The following RASSF8 variants were observed in gnomAD, a reference collection of about 807,000 sequenced individuals.
RASSF8 encodes the protein ras association domain-containing protein 8.
In RASSF8, 22 loss-of-function variants were observed where a neutral mutation model predicts 48.5. The ratio of observed to expected loss-of-function variants is 0.45; its 90% CI spans 0.32 to 0.65. The LOEUF (loss-of-function observed/expected upper bound fraction) is 0.65, where lower values mean the gene tolerates loss of function less well. Ranked by LOEUF, RASSF8 falls within the 30% of genes least tolerant of loss-of-function variation. The pLI is 0.03. For synonymous variants in RASSF8, 127 were observed against 171.5 expected, an observed-to-expected ratio of 0.74 and a Z score of 2.03; for missense variants, 418 against 489.2, an observed-to-expected ratio of 0.85 and a Z score of 1.37.
At chr12:25,980,990 T>C (rs1451465141) in intron 1 of RASSF8, among the ~76,000 whole-genome samples, 1 of 152,162 alleles carries the variant, frequency 6.6e-6, no homozygotes, top group Non-Finnish European at 1.5e-5. Flanking sequence ...TGGGTACTTT[T>C]TATGGGCAGT....
Position 26,064,660 on chromosome 12 carries a change from C to T in RASSF8, c.266C>T (p.Thr89Ile). 2 of 1,614,158 alleles carry T rather than the reference C, an allele frequency of 1.2e-6. No homozygotes were observed. The highest frequency in any genetic ancestry group is 1.3e-5 in the African/African-American group (1 of 75,050). The change falls in exon 4 of 6, where the codon ACT (threonine) becomes ATT (isoleucine). Residue 89 changes from threonine (T) to isoleucine (I), a missense_variant. Transcript: ENST00000689635. ...RTGPSLSERP[T>I]SDSVARIPER... ...GGGCCGTCTCTCAGTGAGCGACCCACTTCAGACAGTGTGGCTCGAATTCCT... is the reference window on the plus strand; with the variant it reads ...GGGCCGTCTCTCAGTGAGCGACCCATTTCAGACAGTGTGGCTCGAATTCCT...
intron 2 of RASSF8, among the ~76,000 whole-genome samples, chr12:26,042,312 ATTTTGTTTTG>A (rs1462776985): frequency 6.6e-6 from 1 of 151,994 alleles, no homozygotes; most frequent in Admixed American, 6.6e-5. Flanking sequence ...GTTTTGTTTT[ATTTTGTTTTG>A]TTTTGTTTTT....
chr12:26,078,621 T>A (rs1027803519), intron 5 of RASSF8, among the ~76,000 whole-genome samples: 3 of 152,244 alleles, frequency 2.0e-5, no homozygotes, highest in African/African-American at 7.2e-5. Flanking sequence ...AAAATCTGAA[T>A]TGAATTACCC....
chr12:26,020,192 G>A (rs758566878), intron 2 of RASSF8: 1 of 152,126 alleles, frequency 6.6e-6, no homozygotes, highest in Non-Finnish European at 1.5e-5. Flanking sequence ...AACTGTGGAG[G>A]CATAGATTAG....
rs536943691 is a variant in RASSF8, at chr12:26,064,441, A to G, written c.104-57A>G. ...AATCATCAAATGGCATTCTTACTCC[A>G]TTTTTTAACTATTACATATCCCATT... On this transcript the variant is annotated intron_variant, in intron 3 of 5. Coordinates refer to ENST00000689635, the MANE Select transcript of RASSF8 (RefSeq NM_001394098.1). 300 of 1,432,856 alleles carry G rather than the reference A, an allele frequency of 2.1e-4. 5 individuals are homozygous for G. The South Asian group carries it at 3.9e-3, about 19-fold the overall frequency. 88.8% of individuals were successfully genotyped at this position (1,432,856 alleles called of 1,614,324 possible). A position where few individuals can be genotyped will look rare whatever the true frequency, so the allele number is the denominator to read the frequency against.
intron 5 of RASSF8, 84 bp downstream of exon 5, chr12:26,067,797 C>T (rs1470544866): frequency 2.0e-6 from 3 of 1,536,190 alleles, no homozygotes; most frequent in African/African-American, 2.7e-5. Flanking sequence ...GATAGTATCA[C>T]TGTATCGCCC....
chr12:26,054,566 C>T (rs1943561190), intron 2 of RASSF8, among the ~76,000 whole-genome samples: 1 of 152,126 alleles, frequency 6.6e-6, no homozygotes, highest in Non-Finnish European at 1.5e-5. Context: ...TACCCACCTG[C>T]CCTCATGCTG....
intron 2 of RASSF8, among the ~76,000 whole-genome samples, chr12:26,045,122 A>G (rs1448432985): frequency 6.6e-6 from 1 of 152,192 alleles, no homozygotes; most frequent in African/African-American, 2.4e-5. Context: ...GAGATTAGGA[A>G]AAAACTAACT....
intron 2 of RASSF8, among the ~76,000 whole-genome samples, chr12:26,014,855 G>A (rs1942609408): frequency 1.3e-5 from 2 of 151,956 alleles, no homozygotes; most frequent in Non-Finnish European, 2.9e-5. Context: ...TGTTTATTTG[G>A]TCCTTTTTCC....
intron 1 of RASSF8, among the ~76,000 whole-genome samples, chr12:25,982,122 C>T (rs1941759675): frequency 1.3e-5 from 2 of 152,090 alleles, no homozygotes; most frequent in African/African-American, 4.8e-5. Context: ...CTGAATGATA[C>T]AGTGTTCCAC....
chr12:26,065,412 T>TGTTTGGCCCATGTAAAATA (rs1196975838), intron 4 of RASSF8, 25 bp downstream of exon 4: 1 of 1,557,384 alleles, frequency 6.4e-7, no homozygotes, highest in Non-Finnish European at 8.7e-7. Flanking sequence ...ATAAATAGAA[T>TGTTTGGCCCATGTAAAATA]GTTTGGCCCA....
At chr12:25,969,713 G>A (rs1342563210) in intron 1 of RASSF8, among the ~76,000 whole-genome samples, 1 of 152,058 alleles carries the variant, frequency 6.6e-6, no homozygotes, top group Non-Finnish European at 1.5e-5. Flanking sequence ...TTGCTGCCTT[G>A]TCTGCTCCCT....
intron 1 of RASSF8, among the ~76,000 whole-genome samples, chr12:25,991,020 A>G (rs1942001709): frequency 1.3e-5 from 2 of 152,216 alleles, no homozygotes; most frequent in Non-Finnish European, 2.9e-5. Context: ...TAATACTTAA[A>G]TAACCAGAGC....
chr12:25,970,095 C>T (rs534323188), intron 1 of RASSF8, among the ~76,000 whole-genome samples: 1 of 148,700 alleles, frequency 6.7e-6, no homozygotes, highest in African/African-American at 2.5e-5. Flanking sequence ...TGTACGACCC[C>T]ACTTTTTTTT....
intron 4 of RASSF8, among the ~76,000 whole-genome samples, chr12:26,066,791 C>T (rs1943885275): frequency 1.3e-5 from 2 of 152,186 alleles, no homozygotes; most frequent in Admixed American, 1.3e-4. Flanking sequence ...TGGGACCCAC[C>T]CAGCCTGGGT....
intron 4 of RASSF8, among the ~76,000 whole-genome samples, chr12:26,067,008 C>T (rs952227925): frequency 3.9e-5 from 6 of 152,172 alleles, no homozygotes; most frequent in African/African-American, 1.2e-4. Flanking sequence ...TTTCCTCATG[C>T]TGTAAGATAA....
intron 3 of RASSF8, among the ~76,000 whole-genome samples, chr12:26,060,336 G>T (rs1943714300): frequency 6.6e-6 from 1 of 152,012 alleles, no homozygotes; most frequent in Non-Finnish European, 1.5e-5. Flanking sequence ...TGGCTGACAG[G>T]TATATTCAGA....
At chr12:25,986,882 AT>A (rs1223353225) in intron 1 of RASSF8, among the ~76,000 whole-genome samples, 1 of 148,864 alleles carries the variant, frequency 6.7e-6, no homozygotes, top group African/African-American at 2.5e-5. Flanking sequence ...TATTGCTACC[AT>A]TTTTTTTGTA....
downstream of RASSF8, among the ~76,000 whole-genome samples, chr12:26,077,183 T>G (rs1211244113): frequency 6.6e-6 from 1 of 152,228 alleles, no homozygotes; most frequent in Admixed American, 6.5e-5. Context: ...ATGGGTAGAT[T>G]GCAAAAATTT....
Sources: allele counts gnomAD v4.1 joint callset (sites outside exome capture counted in the v4.1 genomes callset), GRCh38; gene constraint gnomAD v4.1.1; transcripts MANE v1.5; gene names NCBI Gene and HGNC (gene_info 2026-07-23, HGNC 2026-07-21).